Variants in EFCAB6 observed in about 807,000 individuals in gnomAD.
The protein encoded by EFCAB6 is EF-hand calcium binding domain 6, also known as EF-hand calcium-binding domain-containing protein 6.
Under a neutral mutation model 169.8 loss-of-function variants are expected in EFCAB6, and 156 were observed. The observed-to-expected ratio is 0.92, with a 90% CI of 0.81 to 1.05. The LOEUF (loss-of-function observed/expected upper bound fraction) is 1.05, where lower values mean the gene tolerates loss of function less well. EFCAB6 is among the 50% of genes least tolerant of loss of function. EFCAB6 has a pLI of 0.00. For missense variants in EFCAB6, 1,800 were observed against 1,829.1 expected (o/e 0.98, Z 0.29); for synonymous variants, 698 against 676.4 (o/e 1.03, Z -0.50).
chr22:43,616,305 A>G (rs1265796844), intron 20 of EFCAB6, among the ~76,000 whole-genome samples: 2 of 152,226 alleles, frequency 1.3e-5, no homozygotes, highest in Non-Finnish European at 2.9e-5. Context: ...ACTACAGGAA[A>G]TGGTTGAGAA....
At chr22:43,730,540 A>T (rs902728575) in intron 8 of EFCAB6, among the ~76,000 whole-genome samples, 1 of 152,018 alleles carries the variant, frequency 6.6e-6, no homozygotes. Flanking sequence ...TGATACACTC[A>T]GGTAAAAGTA....
chr22:43,661,856 C>A (rs929872128), intron 17 of EFCAB6, among the ~76,000 whole-genome samples: 1 of 152,110 alleles, frequency 6.6e-6, no homozygotes, highest in Non-Finnish European at 1.5e-5. Flanking sequence ...TGGCGGCATG[C>A]CTGTAATCCC....
chr22:43,806,766 A>G (rs975475089), intron 2 of EFCAB6, among the ~76,000 whole-genome samples: 2 of 152,112 alleles, frequency 1.3e-5, no homozygotes, highest in African/African-American at 4.8e-5. Context: ...ATCTTTCAAA[A>G]CTGAGGGTAT....
At chr22:43,626,762 A>C in intron 19 of EFCAB6, 83 bp from the exon 20 acceptor site, 32 of 1,308,590 alleles carry the variant, frequency 2.4e-5, no homozygotes, top group Non-Finnish European at 3.4e-5. Context: ...GTAGAGCCTC[A>C]TCTCCACGCG....
chr22:43,562,009 T>A (rs1399615798), intron 26 of EFCAB6, among the ~76,000 whole-genome samples: 1 of 152,154 alleles, frequency 6.6e-6, no homozygotes, highest in South Asian at 2.1e-4. Flanking sequence ...ACTCCCCAGC[T>A]TATCTGGCAA....
intron 2 of EFCAB6, among the ~76,000 whole-genome samples, chr22:43,792,418 C>T (rs1377499051): frequency 6.6e-6 from 1 of 152,158 alleles, no homozygotes. Context: ...GAGATGTGCA[C>T]ATCTTGGCCA....
intron 20 of EFCAB6, among the ~76,000 whole-genome samples, chr22:43,618,767 C>G (rs762470626): frequency 2.2e-4 from 33 of 152,308 alleles, no homozygotes; most frequent in Non-Finnish European, 4.1e-4. Flanking sequence ...ACTCTCCCAG[C>G]CCAATTCTGA....
At chr22:43,688,535 T>C (rs2058285869) in intron 10 of EFCAB6, among the ~76,000 whole-genome samples, 1 of 152,230 alleles carries the variant, frequency 6.6e-6, no homozygotes, top group African/African-American at 2.4e-5. Context: ...AGCATGGGTT[T>C]CAGAAAGACC....
chr22:43,806,015 A>G (rs562630207), intron 2 of EFCAB6, among the ~76,000 whole-genome samples: 2 of 151,768 alleles, frequency 1.3e-5, no homozygotes, highest in Non-Finnish European at 2.9e-5. Context: ...AAATACAAAA[A>G]CTTAGCTGGG....
intron 27 of EFCAB6, among the ~76,000 whole-genome samples, chr22:43,541,849 A>G (rs1481324641): frequency 3.9e-5 from 6 of 152,168 alleles, no homozygotes; most frequent in Non-Finnish European, 7.3e-5. Flanking sequence ...TCCTCTGAGA[A>G]TCAACTTTAA....
At chr22:43,741,977 C>T (rs1340536760) in intron 6 of EFCAB6, among the ~76,000 whole-genome samples, 2 of 152,098 alleles carry the variant, frequency 1.3e-5, no homozygotes, top group East Asian at 3.9e-4. Context: ...CCAAATCCAC[C>T]AAGAGAGGGA....
chr22:43,580,728 G>C (rs2050668047), intron 24 of EFCAB6, 69 bp from the exon 25 acceptor site: 1 of 1,530,256 alleles, frequency 6.5e-7, no homozygotes, highest in African/African-American at 1.4e-5. Context: ...TCATTCAACA[G>C]TTGCTGAGCA....
At chr22:43,570,769 G>C (rs968995397) in intron 26 of EFCAB6, among the ~76,000 whole-genome samples, 1 of 152,118 alleles carries the variant, frequency 6.6e-6, no homozygotes, top group African/African-American at 2.4e-5. Context: ...TCCTTGCTCC[G>C]GTCTGAAAAG....
intron 16 of EFCAB6, among the ~76,000 whole-genome samples, chr22:43,667,593 G>A (rs1032923137): frequency 2.6e-5 from 4 of 152,154 alleles, no homozygotes; most frequent in Non-Finnish European, 4.4e-5. Context: ...GCCGAAGGTG[G>A]CATGTGACCG....
At chr22:43,693,922 C>T (rs1206152548) in intron 10 of EFCAB6, among the ~76,000 whole-genome samples, 4 of 151,278 alleles carry the variant, frequency 2.6e-5, no homozygotes, top group Admixed American at 6.6e-5. Context: ...CAAAATAAAT[C>T]GAAAGACAGG....
intron 17 of EFCAB6, among the ~76,000 whole-genome samples, chr22:43,638,494 C>A (rs1037580653): frequency 6.6e-6 from 1 of 152,142 alleles, no homozygotes; most frequent in African/African-American, 2.4e-5. Flanking sequence ...TTTCAGGGAA[C>A]CGTTGCTGGG....
At chr22:43,671,077 C>A (rs1035984290) in intron 15 of EFCAB6, among the ~76,000 whole-genome samples, 1 of 152,248 alleles carries the variant, frequency 6.6e-6, no homozygotes, top group South Asian at 2.1e-4. Flanking sequence ...CCCAGCTGCA[C>A]AGTCTCAGCT....
At chr22:43,772,071 C>T (rs1275136044) in intron 4 of EFCAB6, among the ~76,000 whole-genome samples, 1 of 152,104 alleles carries the variant, frequency 6.6e-6, no homozygotes, top group African/African-American at 2.4e-5. Flanking sequence ...CCTGGACTAC[C>T]TCTCCTCATT....
rs1569222709 is a variant in EFCAB6, at chr22:43,598,306, T to G, written c.2876+1763A>C. Among the ~76,000 whole-genome samples, 2 of 11,180 alleles carry G rather than the reference T, an allele frequency of 1.8e-4. 1 individual carries two copies. The highest frequency in any genetic ancestry group is 1.0e-3 in the African/African-American group (2 of 1,952). The allele number at this position is 11,180 out of a possible 152,430, so 7.3% of individuals were successfully genotyped here. A position where few individuals can be genotyped will look rare whatever the true frequency, so the allele number is the denominator to read the frequency against. On this transcript the variant is annotated intron_variant, in intron 23 of 31. Coordinates refer to ENST00000262726, the MANE Select transcript of EFCAB6 (RefSeq NM_022785.4). ...TGGGTGATGAAAGTGAGACACTGTC[T>G]CCGGGAAAAAAAAAAAAAAAAAAAA...
Sources: allele counts gnomAD v4.1 joint callset (sites outside exome capture counted in the v4.1 genomes callset), GRCh38; gene constraint gnomAD v4.1.1; transcripts MANE v1.5; gene names NCBI Gene and HGNC (gene_info 2026-07-23, HGNC 2026-07-21).